OXR1: variants seen among roughly 807,000 people sequenced by gnomAD.
OXR1 encodes the protein oxidation resistance protein 1.
A neutral mutation model predicts 104.6 loss-of-function variants in OXR1; 41 were observed. The observed-to-expected ratio is 0.39, with a 90% CI of 0.31 to 0.51. The LOEUF is 0.51. Among genes scored for constraint, OXR1 ranks in the 20% least tolerant of loss-of-function variants. The pLI is 0.77. For synonymous variants in OXR1, 348 were observed against 348.4 expected (o/e 1.00, Z 0.01); for missense variants, 955 against 1,031.9 (o/e 0.93, Z 1.02).
chr8:106,326,158 C>A (rs961334857), intron 1 of OXR1, among the ~76,000 whole-genome samples: 1 of 152,220 alleles, frequency 6.6e-6, no homozygotes, highest in Admixed American at 6.5e-5. Flanking sequence ...ACCACATCGT[C>A]TGTCAAAATT....
At chr8:106,645,938 C>T (rs1247712076) in intron 3 of OXR1, among the ~76,000 whole-genome samples, 1 of 152,064 alleles carries the variant, frequency 6.6e-6, no homozygotes, top group Non-Finnish European at 1.5e-5. Context: ...TTCATTTCAT[C>T]TTGTATTGAC....
At chr8:106,491,114 C>A (rs140714925) in intron 2 of OXR1, among the ~76,000 whole-genome samples, 1 of 152,286 alleles carries the variant, frequency 6.6e-6, no homozygotes, top group South Asian at 2.1e-4. Flanking sequence ...ATGCAGGCAT[C>A]CTGATTTCTA....
At chr8:106,543,550 T>C (rs890160354) in intron 3 of OXR1, among the ~76,000 whole-genome samples, 1 of 152,146 alleles carries the variant, frequency 6.6e-6, no homozygotes, top group Non-Finnish European at 1.5e-5. Flanking sequence ...GAATATTCAT[T>C]GATGAGCTGA....
intron 2 of OXR1, among the ~76,000 whole-genome samples, chr8:106,397,015 G>A (rs1817808466): frequency 6.6e-6 from 1 of 152,020 alleles, no homozygotes; most frequent in Non-Finnish European, 1.5e-5. Flanking sequence ...AGACCAATAT[G>A]TATAATATGC....
At chr8:106,409,106 C>T (rs563020489) in intron 2 of OXR1, among the ~76,000 whole-genome samples, 12 of 152,180 alleles carry the variant, frequency 7.9e-5, no homozygotes, top group Non-Finnish European at 1.6e-4. Flanking sequence ...AGCTTCCTAC[C>T]TTTCAGAAGG....
intron 3 of OXR1, among the ~76,000 whole-genome samples, chr8:106,558,837 T>G (rs1199124863): frequency 6.6e-6 from 1 of 152,146 alleles, no homozygotes; most frequent in East Asian, 1.9e-4. Flanking sequence ...CTTATATCCA[T>G]GTGTCTGTCC....
intron 2 of OXR1, among the ~76,000 whole-genome samples, chr8:106,442,141 C>T (rs143228325): frequency 1.2e-3 from 190 of 152,194 alleles, no homozygotes; most frequent in African/African-American, 4.3e-3. Context: ...TGAATTTTAT[C>T]GAAGCCTTTT....
At chr8:106,658,048 G>A (rs1319992716) in intron 3 of OXR1, 10 of 1,248,476 alleles carry the variant, frequency 8.0e-6, no homozygotes, top group Non-Finnish European at 1.0e-5. Flanking sequence ...ACGGCCAACC[G>A]CCTGTTGGGG....
chr8:106,289,703 A>T (rs995577474), intron 1 of OXR1, among the ~76,000 whole-genome samples: 4 of 152,176 alleles, frequency 2.6e-5, no homozygotes, highest in African/African-American at 9.7e-5. Context: ...TAACCAAAAC[A>T]ACACGGTACT....
At chr8:106,284,106 G>A (rs528117369) in intron 1 of OXR1, among the ~76,000 whole-genome samples, 1 of 152,108 alleles carries the variant, frequency 6.6e-6, no homozygotes, top group East Asian at 1.9e-4. Flanking sequence ...AGCAAACATG[G>A]CCCATGCTTT....
rs186204790 is a variant in OXR1 at position 106,724,904 on chromosome 8, C to T, written c.1956+10919C>T. ...CATTTAAACCTCATTTTGGAACACA[C>T]GTCATATTTGTTATTTTAGAAAATG... On this transcript the variant is annotated intron_variant, in intron 11 of 16. Transcript: ENST00000517566. 1.8e-4 allele frequency among the ~76,000 whole-genome samples: 28 copies of T among 152,264 alleles called. No individual in the cohort carries two copies. The East Asian group carries it at 2.9e-3, about 16-fold the overall frequency.
At chr8:106,680,035 C>G (rs1225445463) in intron 4 of OXR1, among the ~76,000 whole-genome samples, 1 of 151,990 alleles carries the variant, frequency 6.6e-6, no homozygotes, top group African/African-American at 2.4e-5. Context: ...GCATTTGTAT[C>G]ATTATGAAAC....
At chr8:106,557,421 C>T (rs1816361833) in intron 3 of OXR1, among the ~76,000 whole-genome samples, 1 of 152,084 alleles carries the variant, frequency 6.6e-6, no homozygotes, top group Non-Finnish European at 1.5e-5. Flanking sequence ...AGTTTTTCCT[C>T]AATAATGTTG....
intron 3 of OXR1, among the ~76,000 whole-genome samples, chr8:106,535,200 T>C (rs1014783004): frequency 1.3e-5 from 2 of 152,152 alleles, no homozygotes; most frequent in African/African-American, 4.8e-5. Flanking sequence ...CCTGACCTCG[T>C]AGCACGAGGT....
At chr8:106,740,275 C>G (rs895413044) in intron 13 of OXR1, 68 bp from the exon 14 acceptor site, 4 of 1,181,890 alleles carry the variant, frequency 3.4e-6, no homozygotes, top group African/African-American at 3.1e-5. Flanking sequence ...TACATTCCAG[C>G]TGGCATTAGT....
intron 4 of OXR1, among the ~76,000 whole-genome samples, chr8:106,682,745 A>T (rs1465587676): frequency 6.6e-6 from 1 of 152,220 alleles, no homozygotes; most frequent in East Asian, 1.9e-4. Flanking sequence ...TTTAGTTCAA[A>T]TATTTTTCTA....
chr8:106,410,189 C>T (rs569979300), intron 2 of OXR1, among the ~76,000 whole-genome samples: 2 of 152,192 alleles, frequency 1.3e-5, no homozygotes, highest in Non-Finnish European at 2.9e-5. Flanking sequence ...GTAGGTACAC[C>T]AAATTTTCTG....
intron 1 of OXR1, among the ~76,000 whole-genome samples, chr8:106,275,717 T>G (rs976750278): frequency 3.9e-5 from 6 of 152,200 alleles, no homozygotes; most frequent in Non-Finnish European, 8.8e-5. Flanking sequence ...TTGTGCCAGC[T>G]GGAAGGAGGG....
chr8:106,625,495 T>C (rs1822072317), intron 3 of OXR1, among the ~76,000 whole-genome samples: 1 of 152,220 alleles, frequency 6.6e-6, no homozygotes, highest in South Asian at 2.1e-4. Context: ...TTTGTTCTAA[T>C]AGCACATGTG....
Sources: allele counts gnomAD v4.1 joint callset (sites outside exome capture counted in the v4.1 genomes callset), GRCh38; gene constraint gnomAD v4.1.1; transcripts MANE v1.5; gene names NCBI Gene and HGNC (gene_info 2026-07-23, HGNC 2026-07-21).